The following EBF2 variants were observed in gnomAD, a reference collection of about 807,000 sequenced individuals.
EBF2 encodes EBF transcription factor 2.
EBF2 carries 21 observed loss-of-function variants against 72.8 expected under a neutral mutation model. That is an observed-to-expected ratio of 0.29 (90% CI 0.20 to 0.42). EBF2 has a LOEUF of 0.42. Among genes scored for constraint, EBF2 ranks in the 10% least tolerant of loss-of-function variants. EBF2 has a pLI of 1.00. For missense variants in EBF2, 637 were observed against 731.2 expected (o/e 0.87, Z 1.49); for synonymous variants, 299 against 274.2 (o/e 1.09, Z -0.89).
Position 25,844,557 on chromosome 8 carries a change from TTATTGGTCCATCAGAG to T in EBF2, c.*36_*51del, listed in dbSNP as rs1801793859. ...AAAAGAGCTCCTAGTGCTTTCTTCA[TTATTGGTCCATCAGAG>T]TAAGTAGTTTTGTGCTATAAGAAAG... On this transcript the variant is annotated 3_prime_UTR_variant, in exon 16 of 16. Coordinates refer to ENST00000520164, the MANE Select transcript of EBF2 (RefSeq NM_022659.4). 1 of 1,605,478 alleles carries T rather than the reference TTATTGGTCCATCAGAG, an allele frequency of 6.2e-7. No individual in the cohort carries two copies. The highest frequency in any genetic ancestry group is 1.3e-5 in the African/African-American group (1 of 74,728).
intron 6 of EBF2, among the ~76,000 whole-genome samples, chr8:25,982,088 A>G (rs895069796): frequency 7.9e-5 from 12 of 152,152 alleles, no homozygotes; most frequent in Non-Finnish European, 1.5e-4. Flanking sequence ...TATTATATAT[A>G]AAGTTGACCC....
chr8:26,040,070 G>T lies in EBF2; in HGVS notation c.440C>A (p.Pro147Gln). ...PIAYEGQNKN[P>Q]EMCRVLLTHE... The stretch of plus-strand genomic sequence containing the variant: ...CGTCAGGAGAACTCGGCACATTTCC[G>T]GATTCTTATTCTGTCCCTCGTAAGC... Residue 147 changes from proline to glutamine, a missense_variant, in exon 5 of 16, where the codon CCG becomes CAG. Transcript: ENST00000520164. 1 of 1,614,026 alleles carries T rather than the reference G, an allele frequency of 6.2e-7. No individual in the cohort carries two copies. The highest frequency in any genetic ancestry group is 2.2e-5 in the East Asian group (1 of 44,854).
chr8:25,872,503 C>G (rs141457932), intron 10 of EBF2, among the ~76,000 whole-genome samples: 5 of 152,298 alleles, frequency 3.3e-5, no homozygotes, highest in Non-Finnish European at 7.4e-5. Context: ...GTTTGTGCAT[C>G]TGTGCATTAT....
At chr8:26,043,880 C>T (rs1255154342) in intron 1 of EBF2, among the ~76,000 whole-genome samples, 2 of 152,052 alleles carry the variant, frequency 1.3e-5, no homozygotes, top group East Asian at 1.9e-4. Context: ...AGAGTGGGAC[C>T]GTAATGTCTT....
At chr8:25,858,599 A>C in intron 13 of EBF2, 95 bp from the exon 14 acceptor site, 1 of 1,244,126 alleles carries the variant, frequency 8.0e-7, no homozygotes, top group Non-Finnish European at 1.1e-6. Flanking sequence ...CAGACTGCAG[A>C]ATGTCACCAG....
At chr8:25,929,170 G>C (rs1026788167) in intron 6 of EBF2, among the ~76,000 whole-genome samples, 1 of 152,082 alleles carries the variant, frequency 6.6e-6, no homozygotes, top group Non-Finnish European at 1.5e-5. Context: ...AAATACTCAC[G>C]ACAGTCCTGT....
At chr8:26,012,990 G>A (rs1805051176) in intron 6 of EBF2, among the ~76,000 whole-genome samples, 1 of 152,140 alleles carries the variant, frequency 6.6e-6, no homozygotes, top group African/African-American at 2.4e-5. Flanking sequence ...GGGAGTTGGT[G>A]GGGGATTGGA....
At chr8:25,990,143 AT>A (rs1264596245) in intron 6 of EBF2, among the ~76,000 whole-genome samples, 3 of 152,086 alleles carry the variant, frequency 2.0e-5, no homozygotes, top group Admixed American at 6.6e-5. Context: ...ACATAAAAAA[AT>A]GTCCTTATAC....
chr8:25,910,574 G>A (rs1803109934), intron 6 of EBF2, among the ~76,000 whole-genome samples: 1 of 152,152 alleles, frequency 6.6e-6, no homozygotes. Flanking sequence ...TGAATGGTGT[G>A]GTAGGTGGAA....
chr8:26,009,219 A>G (rs547244617), intron 6 of EBF2, among the ~76,000 whole-genome samples: 37 of 151,942 alleles, frequency 2.4e-4, no homozygotes, highest in African/African-American at 6.5e-4. Context: ...TTACTTCACA[A>G]TGGCTGAACA....
intron 6 of EBF2, among the ~76,000 whole-genome samples, chr8:26,009,317 T>C (rs1804940188): frequency 6.6e-6 from 1 of 152,194 alleles, no homozygotes; most frequent in Admixed American, 6.5e-5. Flanking sequence ...TTCAGCATGT[T>C]CTATACAAGT....
intron 5 of EBF2, among the ~76,000 whole-genome samples, chr8:26,035,571 T>C (rs1372345250): frequency 6.6e-6 from 1 of 152,194 alleles, no homozygotes; most frequent in Non-Finnish European, 1.5e-5. Context: ...GGTGTGTGGA[T>C]TCGCAAGTGA....
chr8:25,961,441 G>A (rs1229361249), intron 6 of EBF2, among the ~76,000 whole-genome samples: 1 of 152,116 alleles, frequency 6.6e-6, no homozygotes, highest in Non-Finnish European at 1.5e-5. Context: ...TTGGCTCACT[G>A]CAACCTCTGC....
chr8:26,014,403 T>C (rs1324142294), intron 6 of EBF2, among the ~76,000 whole-genome samples: 1 of 152,178 alleles, frequency 6.6e-6, no homozygotes, highest in Non-Finnish European at 1.5e-5. Context: ...GGAGACTTTT[T>C]GGTTTTGTTT....
Position 26,040,551 on chromosome 8 carries a change from A to G in EBF2, c.408+65T>C, listed in dbSNP as rs189931287. The G allele has an allele frequency of 9.4e-6, 14 of 1,494,626 alleles. No individual in the cohort carries two copies. The African/African-American group carries it at 1.7e-4, about 18-fold the overall frequency. 92.6% of individuals were successfully genotyped at this position (1,494,626 alleles called of 1,614,324 possible). On this transcript the variant is annotated intron_variant, in intron 4 of 15. Coordinates refer to ENST00000520164, the MANE Select transcript of EBF2 (RefSeq NM_022659.4). ...GTGGAGGAGGGGCAGGTCAGAAACAAACTGGGGGGTTTGGGGGTCGGGGTC... is the reference window on the plus strand; with the variant it reads ...GTGGAGGAGGGGCAGGTCAGAAACAGACTGGGGGGTTTGGGGGTCGGGGTC...
intron 6 of EBF2, among the ~76,000 whole-genome samples, chr8:25,925,217 T>C (rs1803367321): frequency 6.6e-6 from 1 of 152,180 alleles, no homozygotes. Flanking sequence ...TGACATCTTT[T>C]CCCTTGTAAC....
Position 25,883,705 on chromosome 8 carries a change from T to C in EBF2, c.1009+3050A>G, listed in dbSNP as rs145053012. 2.2e-3 allele frequency among the ~76,000 whole-genome samples: 329 copies of C among 152,240 alleles called. 1 individual carries two copies. Among genetic ancestry groups the C allele is most frequent in the African/African-American group, 7.6e-3 (316 of 41,524 alleles). On this transcript the variant is annotated intron_variant, in intron 10 of 15. Coordinates refer to ENST00000520164, the MANE Select transcript of EBF2 (RefSeq NM_022659.4). ...TGCGCTACTGATTGAGATTGTTCTTTACTTCAATAGAGAGTTCAGGATTGG... is the reference window on the plus strand; with the variant it reads ...TGCGCTACTGATTGAGATTGTTCTTCACTTCAATAGAGAGTTCAGGATTGG...
chr8:25,930,078 T>G (rs1302344560), intron 6 of EBF2, among the ~76,000 whole-genome samples: 1 of 152,330 alleles, frequency 6.6e-6, no homozygotes, highest in East Asian at 1.9e-4. Context: ...TCAATTACTT[T>G]CAGCTGCTGA....
chr8:25,937,000 G>A (rs1303158692), intron 6 of EBF2, among the ~76,000 whole-genome samples: 1 of 152,142 alleles, frequency 6.6e-6, no homozygotes, highest in South Asian at 2.1e-4. Context: ...TGGGTTAGAG[G>A]AAACGGGATT....
Sources: gnomAD v4.1 joint callset for allele counts (sites outside exome capture counted in the v4.1 genomes callset) on GRCh38, gnomAD v4.1.1 for gene constraint, MANE v1.5 for transcripts, NCBI Gene and HGNC (gene_info 2026-07-23, HGNC 2026-07-21) for gene names.